Variants in YPEL1 observed in about 807,000 individuals in gnomAD.
YPEL1 encodes protein yippee-like 1.
A neutral mutation model predicts 17.3 loss-of-function variants in YPEL1; 7 were observed. The ratio of observed to expected loss-of-function variants is 0.40; its 90% CI spans 0.23 to 0.76. The LOEUF (loss-of-function observed/expected upper bound fraction) is 0.76. Ranked by LOEUF, YPEL1 falls within the 30% of genes least tolerant of loss-of-function variation. The pLI is 0.35. For missense variants in YPEL1, 91 were observed against 155.5 expected (o/e 0.59, Z 2.21); for synonymous variants, 59 against 59.6 (o/e 0.99, Z 0.05).
At chr22:21,708,548 C>T (rs1397646210) in intron 2 of YPEL1, among the ~76,000 whole-genome samples, 1 of 151,520 alleles carries the variant, frequency 6.6e-6, no homozygotes, top group East Asian at 1.9e-4. Flanking sequence ...CCATGTTGGC[C>T]ATGCTGGTCT....
At position 21,697,997 on chromosome 22, in the gene YPEL1, C is replaced by A. The variant is rs1171579086; in HGVS notation, c.*3132G>T. On this transcript the variant is annotated 3_prime_UTR_variant, in exon 5 of 5. Coordinates refer to ENST00000339468, the MANE Select transcript of YPEL1 (RefSeq NM_013313.5). ...ACTGTGTGTATAAAACAATGCCAAACCACATTCCTACAGCAAATGCACTGT... is the reference window on the plus strand; with the variant it reads ...ACTGTGTGTATAAAACAATGCCAAAACACATTCCTACAGCAAATGCACTGT... 6.6e-6 allele frequency: 1 copy of A among 152,208 alleles called. No individual in the cohort carries two copies. The highest frequency in any genetic ancestry group is 1.5e-5 in the Non-Finnish European group (1 of 68,020). The allele number at this position is 152,208 out of a possible 1,614,324, so 9.4% of individuals were successfully genotyped here. A position where few individuals can be genotyped will look rare whatever the true frequency, so the allele number is the denominator to read the frequency against.
At chr22:21,710,275 C>A (rs2068151981) in intron 2 of YPEL1, among the ~76,000 whole-genome samples, 1 of 152,140 alleles carries the variant, frequency 6.6e-6, no homozygotes, top group African/African-American at 2.4e-5. Flanking sequence ...TGTCTTAATA[C>A]CCTTATTATT....
intron 2 of YPEL1, among the ~76,000 whole-genome samples, chr22:21,706,196 T>G (rs1035689167): frequency 1.3e-5 from 2 of 149,780 alleles, no homozygotes; most frequent in African/African-American, 4.9e-5. Context: ...TTTGCAAGGC[T>G]GAGGCAGGCA....
intron 1 of YPEL1, among the ~76,000 whole-genome samples, chr22:21,719,465 TAA>T (rs1380578942): frequency 2.0e-5 from 3 of 152,222 alleles, no homozygotes; most frequent in African/African-American, 7.2e-5. Context: ...GTGAAGCAGC[TAA>T]GAGAGAGACA....
At chr22:21,720,918 C>G (rs1405655568) in intron 1 of YPEL1, among the ~76,000 whole-genome samples, 4 of 150,406 alleles carry the variant, frequency 2.7e-5, no homozygotes, top group Admixed American at 6.7e-5. Context: ...AAGCAATTCT[C>G]CTGCCTCAGC....
chr22:21,728,059 AG>A (rs918211845), intron 1 of YPEL1, among the ~76,000 whole-genome samples: 19 of 152,326 alleles, frequency 1.2e-4, no homozygotes, highest in African/African-American at 4.3e-4. Flanking sequence ...AGAGCGGGGA[AG>A]GAACAGTGCT....
At position 21,712,848 on chromosome 22, in the gene YPEL1, G is replaced by A. The variant is rs2068184066; in HGVS notation, c.-164-1940C>T. On this transcript the variant is annotated intron_variant, in intron 1 of 4. Coordinates refer to ENST00000339468, the MANE Select transcript of YPEL1 (RefSeq NM_013313.5). ...AGAAACACAATCTGATTAAAAAATG[G>A]ACAAAGGACCTATATATCTATATTC... Among the ~76,000 whole-genome samples the A allele has an allele frequency of 2.0e-5, 3 of 151,250 alleles. No homozygotes were observed. The South Asian group carries it at 6.3e-4, about 32-fold the overall frequency.
intron 1 of YPEL1, among the ~76,000 whole-genome samples, chr22:21,716,387 C>T (rs1008870076): frequency 2.8e-4 from 43 of 152,340 alleles, no homozygotes; most frequent in Non-Finnish European, 5.9e-4. Context: ...AGTGAGGAGC[C>T]GCCAGGCACC....
intron 1 of YPEL1, among the ~76,000 whole-genome samples, chr22:21,731,988 G>A (rs570292904): frequency 2.0e-5 from 3 of 152,284 alleles, no homozygotes; most frequent in African/African-American, 4.8e-5. Flanking sequence ...CAGGAATCCC[G>A]GCCCCGGCCC....
chr22:21,732,363 C>T (rs773440136), intron 1 of YPEL1, among the ~76,000 whole-genome samples: 5 of 152,206 alleles, frequency 3.3e-5, no homozygotes, highest in Non-Finnish European at 5.9e-5. Flanking sequence ...AAAACATTTA[C>T]GTCAACTTCA....
chr22:21,702,906 C>A (rs2068079467), intron 4 of YPEL1, among the ~76,000 whole-genome samples: 2 of 152,150 alleles, frequency 1.3e-5, no homozygotes, highest in Admixed American at 6.5e-5. Context: ...ACCTTCAATT[C>A]AAGGTCCCTG....
At chr22:21,732,609 C>T (rs2068398874) in intron 1 of YPEL1, among the ~76,000 whole-genome samples, 4 of 152,114 alleles carry the variant, frequency 2.6e-5, no homozygotes, top group Admixed American at 2.6e-4. Flanking sequence ...TGGTGAAACC[C>T]CGTCTCTATT....
intron 1 of YPEL1, among the ~76,000 whole-genome samples, chr22:21,732,823 G>A (rs554297330): frequency 5.3e-5 from 8 of 152,086 alleles, no homozygotes; most frequent in African/African-American, 1.9e-4. Flanking sequence ...AAACTGCAAG[G>A]TAGGCTGGGC....
At chr22:21,732,440 T>C (rs964369232) in intron 1 of YPEL1, among the ~76,000 whole-genome samples, 1 of 152,208 alleles carries the variant, frequency 6.6e-6, no homozygotes, top group Non-Finnish European at 1.5e-5. Context: ...CTTCTTCATA[T>C]TCAAAACAAT....
chr22:21,727,198 T>C (rs2068343991), intron 1 of YPEL1, among the ~76,000 whole-genome samples: 1 of 152,190 alleles, frequency 6.6e-6, no homozygotes, highest in South Asian at 2.1e-4. Flanking sequence ...ATGGCAACCC[T>C]TGTCACTAGC....
chr22:21,733,767 AC>A (rs1218647119), intron 1 of YPEL1, among the ~76,000 whole-genome samples: 2 of 152,146 alleles, frequency 1.3e-5, no homozygotes, highest in Non-Finnish European at 2.9e-5. Context: ...AAACAAACCA[AC>A]AAAAAAAGAA....
chr22:21,726,877 T>C (rs1299061575), intron 1 of YPEL1, among the ~76,000 whole-genome samples: 2 of 152,080 alleles, frequency 1.3e-5, no homozygotes, highest in Admixed American at 6.5e-5. Context: ...ACATCCCCAG[T>C]GGGATGCAGA....
At chr22:21,725,424 T>G (rs959025690) in intron 1 of YPEL1, among the ~76,000 whole-genome samples, 3 of 151,442 alleles carry the variant, frequency 2.0e-5, no homozygotes, top group Non-Finnish European at 4.4e-5. Context: ...AGAGACAGGG[T>G]CTCACTATCT....
intron 1 of YPEL1, among the ~76,000 whole-genome samples, chr22:21,714,288 C>T (rs1006245566): frequency 3.3e-5 from 5 of 152,222 alleles, no homozygotes; most frequent in African/African-American, 7.2e-5. Flanking sequence ...GTCACCACGG[C>T]GCTGCTGTGC....
Sources: gnomAD v4.1 joint callset for allele counts (sites outside exome capture counted in the v4.1 genomes callset) on GRCh38, gnomAD v4.1.1 for gene constraint, MANE v1.5 for transcripts, NCBI Gene and HGNC (gene_info 2026-07-23, HGNC 2026-07-21) for gene names.